The following TUSC3 variants were observed in gnomAD, a reference collection of about 807,000 sequenced individuals.
TUSC3 encodes dolichyl-diphosphooligosaccharide--protein glycosyltransferase subunit TUSC3.
In TUSC3, 45 loss-of-function variants were observed where a neutral mutation model predicts 44.8. The observed-to-expected ratio is 1.00, with a 90% CI of 0.79 to 1.29. The LOEUF (loss-of-function observed/expected upper bound fraction) is 1.29, where lower values mean the gene tolerates loss of function less well. TUSC3 is among the 50% of genes most tolerant of loss of function. The pLI, the probability that TUSC3 is intolerant of heterozygous loss-of-function variation, is 0.00. For missense variants in TUSC3, 519 were observed against 437.9 expected, an observed-to-expected ratio of 1.19 and a Z score of -1.65; for synonymous variants, 212 against 152.9, an observed-to-expected ratio of 1.39 and a Z score of -2.85.
chr8:15,583,374 C>G (rs12675139), intron 1 of TUSC3, among the ~76,000 whole-genome samples: 4 of 152,008 alleles, frequency 2.6e-5, no homozygotes, highest in South Asian at 2.1e-4. Context: ...CTAGAGCTAG[C>G]GCAGAGAAGA....
intron 1 of TUSC3, among the ~76,000 whole-genome samples, chr8:15,564,582 A>G (rs1445497016): frequency 6.6e-6 from 1 of 151,924 alleles, no homozygotes; most frequent in Non-Finnish European, 1.5e-5. Context: ...CTTTTATTAG[A>G]TTTTATTATA....
chr8:15,615,005 A>G lies in TUSC3; in HGVS notation c.139-8075A>G, dbSNP rs78190845. 8.6e-3 allele frequency among the ~76,000 whole-genome samples: 1,307 copies of G among 151,880 alleles called. 20 individuals are homozygous for G. Among genetic ancestry groups the G allele is most frequent in the African/African-American group, 0.031 (1,266 of 41,456 alleles). ...TAGTAAAGGGAACTCTTGTACACTCATCGTGGGAATGTGAATTAGTACAGC... is the reference window on the plus strand; with the variant it reads ...TAGTAAAGGGAACTCTTGTACACTCGTCGTGGGAATGTGAATTAGTACAGC... On this transcript the variant is annotated intron_variant, in intron 1 of 10. Coordinates refer to ENST00000503731, the MANE Select transcript of TUSC3 (RefSeq NM_006765.4).
upstream of TUSC3, among the ~76,000 whole-genome samples, chr8:15,539,682 G>C (rs1163006171): frequency 1.3e-5 from 2 of 152,106 alleles, no homozygotes; most frequent in Non-Finnish European, 2.9e-5. Context: ...TCATAGAATA[G>C]AAATTGAAGT....
intron 6 of TUSC3, among the ~76,000 whole-genome samples, chr8:15,697,608 C>T (rs532052462): frequency 1.3e-5 from 2 of 152,250 alleles, no homozygotes; most frequent in East Asian, 3.9e-4. Context: ...TATAAGGCTG[C>T]ACATACCTGT....
At chr8:15,740,089 A>G (rs1401388462) in intron 7 of TUSC3, among the ~76,000 whole-genome samples, 1 of 152,198 alleles carries the variant, frequency 6.6e-6, no homozygotes, top group African/African-American at 2.4e-5. Flanking sequence ...AAACAATTTT[A>G]TAATAAAAAA....
intron 5 of TUSC3, among the ~76,000 whole-genome samples, chr8:15,664,809 A>T (rs934059564): frequency 2.7e-5 from 4 of 149,732 alleles, no homozygotes; most frequent in Admixed American, 1.3e-4. Flanking sequence ...AATTTACATT[A>T]TATGTTTTAT....
At chr8:15,619,677 T>G (rs954720906) in intron 1 of TUSC3, among the ~76,000 whole-genome samples, 10 of 151,932 alleles carry the variant, frequency 6.6e-5, no homozygotes, top group Non-Finnish European at 1.5e-4. Context: ...ATTTTTTTGT[T>G]TGTTTGTTTG....
intron 1 of TUSC3, among the ~76,000 whole-genome samples, chr8:15,581,559 C>G (rs1438707602): frequency 1.3e-5 from 2 of 148,546 alleles, no homozygotes; most frequent in Non-Finnish European, 3.0e-5. Context: ...AGCTGCAGGT[C>G]TGTTGGAATA....
At chr8:15,755,755 G>A (rs764815958) in intron 9 of TUSC3, among the ~76,000 whole-genome samples, 1 of 152,048 alleles carries the variant, frequency 6.6e-6, no homozygotes, top group Non-Finnish European at 1.5e-5. Context: ...AAAGTAGAAG[G>A]TGTTATGTTC....
intron 1 of TUSC3, among the ~76,000 whole-genome samples, chr8:15,575,981 G>C (rs918086061): frequency 6.6e-6 from 1 of 151,092 alleles, no homozygotes; most frequent in African/African-American, 2.4e-5. Flanking sequence ...TATAATAACT[G>C]AGTAATATAA....
intron 2 of TUSC3, among the ~76,000 whole-genome samples, chr8:15,647,243 C>G (rs1806672848): frequency 6.6e-6 from 1 of 152,130 alleles, no homozygotes; most frequent in Admixed American, 6.5e-5. Flanking sequence ...AGTAGGTTAT[C>G]ATTATGATTC....
chr8:15,488,303 C>A (rs1800761170), intron 2 of TUSC3, among the ~76,000 whole-genome samples: 1 of 151,452 alleles, frequency 6.6e-6, no homozygotes, highest in Non-Finnish European at 1.5e-5. Flanking sequence ...CCAGGACCAG[C>A]CTGAACAACA....
chr8:15,765,540 T>C lies in TUSC3; in HGVS notation c.*1384T>C, dbSNP rs1442149496. 6.6e-6 allele frequency: 1 copy of C among 151,992 alleles called. No individual in the cohort carries two copies. The highest frequency in any genetic ancestry group is 1.5e-5 in the Non-Finnish European group (1 of 67,936). The allele number at this position is 151,992 out of a possible 1,614,324, so 9.4% of individuals were successfully genotyped here. A position where few individuals can be genotyped will look rare whatever the true frequency, so the allele number is the denominator to read the frequency against. ...GAAGAATGGGAATATAAAGGCCTAC[T>C]GGGGCATGTTTATCAAGTTATATCC... On this transcript the variant is annotated 3_prime_UTR_variant, in exon 11 of 11. Transcript: ENST00000503731.
chr8:15,534,384 C>G (rs1801493714), intron 2 of TUSC3, among the ~76,000 whole-genome samples: 1 of 152,078 alleles, frequency 6.6e-6, no homozygotes, highest in Non-Finnish European at 1.5e-5. Context: ...TGACGCACAC[C>G]TGTAATCCCA....
intron 5 of TUSC3, among the ~76,000 whole-genome samples, chr8:15,671,891 G>A (rs1172433157): frequency 6.6e-6 from 1 of 151,874 alleles, no homozygotes; most frequent in African/African-American, 2.4e-5. Context: ...TTCTAGCTGA[G>A]GATGGCAAGC....
At chr8:15,560,914 T>C (rs1259134971) in intron 1 of TUSC3, among the ~76,000 whole-genome samples, 2 of 63,188 alleles carry the variant, frequency 3.2e-5, no homozygotes, top group Non-Finnish European at 7.1e-5. Flanking sequence ...TCTAAATTTT[T>C]TTCAAAGTTT....
chr8:15,434,012 A>T (rs1353048765), intron 1 of TUSC3, among the ~76,000 whole-genome samples: 1 of 152,076 alleles, frequency 6.6e-6, no homozygotes, highest in East Asian at 1.9e-4. Flanking sequence ...CTAAGTATAT[A>T]TTTAACTTCA....
the TUSC3 span, among the ~76,000 whole-genome samples, chr8:15,830,662 A>G: frequency 6.6e-6 from 1 of 152,234 alleles, no homozygotes; most frequent in Non-Finnish European, 1.5e-5. Context: ...TTAAAAACAG[A>G]AAATTAAATA....
chr8:15,778,666 T>G, the TUSC3 span, among the ~76,000 whole-genome samples: 3 of 152,188 alleles, frequency 2.0e-5, no homozygotes, highest in African/African-American at 4.8e-5. Context: ...TTACCTAGAT[T>G]TTTATGCCAA....
Sources: gnomAD v4.1 joint callset for allele counts (sites outside exome capture counted in the v4.1 genomes callset) on GRCh38, gnomAD v4.1.1 for gene constraint, MANE v1.5 for transcripts, NCBI Gene and HGNC (gene_info 2026-07-23, HGNC 2026-07-21) for gene names.